Variants in ILDR1 observed in about 807,000 individuals in gnomAD.
ILDR1 encodes the protein immunoglobulin like domain containing receptor 1, also known as immunoglobulin-like domain-containing receptor 1.
Under a neutral mutation model 62.4 loss-of-function variants are expected in ILDR1, and 56 were observed. The ratio of observed to expected loss-of-function variants is 0.90; its 90% CI spans 0.72 to 1.12. The LOEUF is 1.12. Among genes scored for constraint, ILDR1 ranks in the 50% most tolerant of loss-of-function variants. The probability of loss-of-function intolerance (pLI) is 0.00; values close to 1 mark genes in which losing one functional copy is unlikely to be tolerated. For missense variants in ILDR1, 736 were observed against 710.6 expected (o/e 1.04, Z -0.41); for synonymous variants, 284 against 277.8 (o/e 1.02, Z -0.22).
At chr3:122,039,316 T>C in the ILDR1 span, among the ~76,000 whole-genome samples, 8 of 152,168 alleles carry the variant, frequency 5.3e-5, no homozygotes, top group East Asian at 1.5e-3. Context: ...CTAGGTACGT[T>C]AGATTCAAAC....
chr3:122,044,392 T>C, the ILDR1 span, among the ~76,000 whole-genome samples: 1 of 137,368 alleles, frequency 7.3e-6, no homozygotes, highest in Non-Finnish European at 1.6e-5. Context: ...TTTGGTTGTG[T>C]CTCTGCCCGG....
intron 7 of ILDR1, among the ~76,000 whole-genome samples, chr3:121,991,849 G>A (rs2071352521): frequency 6.6e-6 from 1 of 152,196 alleles, no homozygotes; most frequent in Non-Finnish European, 1.5e-5. Context: ...ACTCACAGCA[G>A]AACATGTACT....
intron 1 of ILDR1, among the ~76,000 whole-genome samples, chr3:122,020,965 C>T (rs1171589803): frequency 6.6e-6 from 1 of 152,164 alleles, no homozygotes; most frequent in African/African-American, 2.4e-5. Flanking sequence ...ATGGTAGAAT[C>T]CTGTCTGAAT....
At chr3:122,059,167 G>T in the ILDR1 span, among the ~76,000 whole-genome samples, 1 of 152,098 alleles carries the variant, frequency 6.6e-6, no homozygotes, top group African/African-American at 2.4e-5. Context: ...CAAAAAAGAG[G>T]GATGGCCTGG....
At chr3:122,042,635 T>C in the ILDR1 span, among the ~76,000 whole-genome samples, 1 of 151,942 alleles carries the variant, frequency 6.6e-6, no homozygotes, top group Non-Finnish European at 1.5e-5. Context: ...GGTATCTCAT[T>C]GTGGTTTTGA....
At position 122,013,490 on chromosome 3, in the gene ILDR1, G is replaced by T. The variant is rs990396631; in HGVS notation, c.59-6329C>A. ...CAAGCACCCTGACTCCATGTGGCAGGTTAACAAAATGCACACAGGTTCAAT... is the reference window on the plus strand; with the variant it reads ...CAAGCACCCTGACTCCATGTGGCAGTTTAACAAAATGCACACAGGTTCAAT... On this transcript the variant is annotated intron_variant, in intron 1 of 7. Transcript: ENST00000344209. Among the ~76,000 whole-genome samples the T allele has an allele frequency of 2.6e-5, 4 of 152,126 alleles. 1 individual carries two copies. The highest frequency in any genetic ancestry group is 4.1e-4 in the South Asian group (2 of 4,824).
chr3:122,049,160 G>T, the ILDR1 span, among the ~76,000 whole-genome samples: 1 of 152,004 alleles, frequency 6.6e-6, no homozygotes. Flanking sequence ...GTATGTTGTT[G>T]CATTTCCACA....
the ILDR1 span, among the ~76,000 whole-genome samples, chr3:122,051,726 AAACAAC>A: frequency 6.6e-6 from 1 of 152,036 alleles, no homozygotes; most frequent in Non-Finnish European, 1.5e-5. Context: ...ACACACAAAC[AAACAAC>A]AACAACAACA....
chr3:122,031,601 C>T, the ILDR1 span, among the ~76,000 whole-genome samples: 1 of 152,134 alleles, frequency 6.6e-6, no homozygotes, highest in Non-Finnish European at 1.5e-5. Flanking sequence ...TTGGAGCCCT[C>T]ATGAATGGGA....
chr3:122,039,697 A>G, the ILDR1 span, among the ~76,000 whole-genome samples: 1 of 152,118 alleles, frequency 6.6e-6, no homozygotes, highest in Non-Finnish European at 1.5e-5. Flanking sequence ...ACTAGAATAT[A>G]CACGAAGAAA....
intron 1 of ILDR1, chr3:122,007,396 A>C: frequency 1.4e-6 from 1 of 709,846 alleles, no homozygotes; most frequent in Non-Finnish European, 2.3e-6. Context: ...ACTCCCAGGA[A>C]TTTACAGTGC....
At chr3:121,998,653 A>C (rs1306718120) in intron 5 of ILDR1, among the ~76,000 whole-genome samples, 2 of 152,264 alleles carry the variant, frequency 1.3e-5, no homozygotes, top group East Asian at 1.9e-4. Context: ...TGCCCCACGA[A>C]CCTAGGGAGT....
At chr3:122,016,554 G>A (rs1251901330) in intron 1 of ILDR1, among the ~76,000 whole-genome samples, 2 of 152,324 alleles carry the variant, frequency 1.3e-5, no homozygotes, top group East Asian at 3.9e-4. Context: ...CAAAAAGCAA[G>A]AAAGAAGGGT....
intron 5 of ILDR1, among the ~76,000 whole-genome samples, chr3:121,999,714 G>A (rs2071489133): frequency 6.6e-6 from 1 of 152,078 alleles, no homozygotes; most frequent in Non-Finnish European, 1.5e-5. Flanking sequence ...TTGGCCAAGG[G>A]GACCCCAGAG....
chr3:122,032,367 A>G, the ILDR1 span, among the ~76,000 whole-genome samples: 10 of 152,202 alleles, frequency 6.6e-5, no homozygotes, highest in Non-Finnish European at 1.2e-4. Context: ...TATCCATTCT[A>G]TTATTGACAG....
In ILDR1 at chr3:121,993,522, A is replaced by G. The variant is rs148486121; in HGVS notation, c.1227T>C (p.Asn409=). The G allele has an allele frequency of 2.6e-4, 413 of 1,614,202 alleles. No homozygotes were observed. The highest frequency in any genetic ancestry group is 1.0e-3 in the Admixed American group (60 of 60,026). Residue 409 remains asparagine, a synonymous_variant, in exon 7 of 8, where the codon AAT becomes AAC. Transcript: ENST00000344209. The stretch of plus-strand genomic sequence containing the variant: ...TGTCTGACCAGTGTATGGGTGACCC[A>G]TTCAGCCTAGAGCTACGGTGCCTTC... ...WSGRHRSSRL[N]GSPIHWSDRD... is the part of the protein sequence containing the mutation.
chr3:122,030,870 G>A, the ILDR1 span, among the ~76,000 whole-genome samples: 5 of 152,178 alleles, frequency 3.3e-5, no homozygotes, highest in Admixed American at 3.3e-4. Flanking sequence ...CTAATCTGCA[G>A]CCAGAGCTGA....
chr3:122,043,525 A>G, the ILDR1 span, among the ~76,000 whole-genome samples: 1 of 132,118 alleles, frequency 7.6e-6, no homozygotes, highest in Non-Finnish European at 1.6e-5. Flanking sequence ...CATTTTCACG[A>G]TATTGATTCT....
chr3:122,045,804 A>G, the ILDR1 span, among the ~76,000 whole-genome samples: 2 of 149,142 alleles, frequency 1.3e-5, no homozygotes, highest in African/African-American at 2.5e-5. Flanking sequence ...TTTTGAGCCT[A>G]TGTGTGTCTC....
Sources: allele counts gnomAD v4.1 joint callset (sites outside exome capture counted in the v4.1 genomes callset), GRCh38; gene constraint gnomAD v4.1.1; transcripts MANE v1.5; gene names NCBI Gene and HGNC (gene_info 2026-07-23, HGNC 2026-07-21).